Variants in SSUH2 observed in about 807,000 individuals in gnomAD.
The protein encoded by SSUH2 is ssu-2 homolog.
A neutral mutation model predicts 55.3 loss-of-function variants in SSUH2; 47 were observed. The observed-to-expected ratio is 0.85, with a 90% CI of 0.67 to 1.08. The LOEUF (loss-of-function observed/expected upper bound fraction) is 1.08, where lower values mean the gene tolerates loss of function less well. Ranked by LOEUF, SSUH2 falls within the 50% of genes least tolerant of loss-of-function variation. The pLI, the probability that SSUH2 is intolerant of heterozygous loss-of-function variation, is 0.00. For synonymous variants in SSUH2, 212 were observed against 191.5 expected (o/e 1.11, Z -0.89); for missense variants, 535 against 490.7 (o/e 1.09, Z -0.85).
intron 1 of SSUH2, among the ~76,000 whole-genome samples, chr3:8,681,293 C>T (rs773191334): frequency 6.6e-6 from 1 of 150,802 alleles, no homozygotes; most frequent in South Asian, 2.1e-4. Flanking sequence ...CCTCTTCCCT[C>T]CCTGGATCTT....
At chr3:8,666,033 G>A (rs1434799597) in intron 5 of SSUH2, among the ~76,000 whole-genome samples, 1 of 152,186 alleles carries the variant, frequency 6.6e-6, no homozygotes, top group Non-Finnish European at 1.5e-5. Context: ...TTAGACTCAA[G>A]CTTGAGCTCC....
At chr3:8,675,691 T>G (rs1575396612) in intron 3 of SSUH2, among the ~76,000 whole-genome samples, 1 of 152,178 alleles carries the variant, frequency 6.6e-6, no homozygotes, top group African/African-American at 2.4e-5. Flanking sequence ...AGACTGTGGA[T>G]CCCAAACTTT....
chr3:8,673,841 A>G (rs958498917), intron 3 of SSUH2, among the ~76,000 whole-genome samples: 4 of 152,216 alleles, frequency 2.6e-5, no homozygotes, highest in African/African-American at 9.7e-5. Flanking sequence ...TAAAGACGGG[A>G]GCTCAAAAGG....
At chr3:8,635,181 G>C (rs1699709829) in intron 3 of SSUH2, 119 bp downstream of exon 3, 3 of 749,938 alleles carry the variant, frequency 4.0e-6, no homozygotes, top group Non-Finnish European at 6.4e-6. Flanking sequence ...TGGTGCAGTA[G>C]GTCTGGGGTG....
chr3:8,626,242 G>C lies in SSUH2; in HGVS notation c.754C>G (p.Leu252Val). The change falls in exon 9 of 12, where the codon CTT becomes GTT. Residue 252 changes from leucine to valine, a missense_variant. Physicochemically the swap from Leu to Val is conservative, Grantham distance 32 (BLOSUM62 1). Transcript: ENST00000544814. ...ACTGCCACATACCACATGATGACAAGCTGGATGAAGTGCAACAGCTTCTTC... is the reference window on the plus strand; with the variant it reads ...ACTGCCACATACCACATGATGACAACCTGGATGAAGTGCAACAGCTTCTTC... ...GEKKLLHFIQLVIMWKNSLFE... is the reference protein window; with the variant it reads ...GEKKLLHFIQVVIMWKNSLFE... The C allele has an allele frequency of 6.2e-7, 1 of 1,613,970 alleles. No homozygotes were observed. Among genetic ancestry groups the C allele is most frequent in the Admixed American group, 1.7e-5 (1 of 60,022 alleles).
rs1696029883 is a variant in SSUH2 at position 8,619,708 on chromosome 3, G to C, written c.*160C>G. ...GGATTCCACCAGAGGAGCTGTATAA[G>C]GGGTTGGAGCTTGATAGATGATAAG... On this transcript the variant is annotated 3_prime_UTR_variant, in exon 12 of 12. Transcript: ENST00000544814. 1.4e-6 allele frequency: 1 copy of C among 712,548 alleles called. No individual in the cohort carries two copies. The highest frequency in any genetic ancestry group is 2.0e-5 in the South Asian group (1 of 51,104). 44.1% of individuals were successfully genotyped at this position (712,548 alleles called of 1,614,324 possible).
chr3:8,643,216 A>G (rs1701157283), intron 1 of SSUH2, among the ~76,000 whole-genome samples: 1 of 152,172 alleles, frequency 6.6e-6, no homozygotes, highest in African/African-American at 2.4e-5. Flanking sequence ...TCTTTGATCA[A>G]TCCTGCAAGA....
At chr3:8,648,040 C>T (rs1168253841), upstream of SSUH2, among the ~76,000 whole-genome samples, 2 of 152,208 alleles carry the variant, frequency 1.3e-5, no homozygotes, top group Non-Finnish European at 2.9e-5. Flanking sequence ...AAGTCGTGGA[C>T]CTCTAACTGC....
intron 5 of SSUH2, among the ~76,000 whole-genome samples, chr3:8,665,948 T>A (rs967392046): frequency 6.6e-6 from 1 of 152,154 alleles, no homozygotes. Context: ...GTTCACTACA[T>A]GTTTACTTGT....
intron 5 of SSUH2, among the ~76,000 whole-genome samples, chr3:8,668,908 A>G (rs1704247648): frequency 7.0e-6 from 1 of 142,224 alleles, no homozygotes; most frequent in Admixed American, 6.9e-5. Context: ...TCAGCCTCAT[A>G]TGCCAAAAAG....
rs1354312350 is a variant in SSUH2 at position 8,678,724 on chromosome 3, TG to T, written c.-901+980del. On this transcript the variant is annotated intron_variant, in intron 2 of 18. Transcript: ENST00000317371. ...CTCCTGGGTCTTAGGACCCCCAACG[TG>T]GGGGGGGGAGGCACCACACGCGAGG... Among the ~76,000 whole-genome samples, 39 of 19,350 alleles carry T rather than the reference TG, an allele frequency of 2.0e-3. 12 individuals carry two copies. The highest frequency in any genetic ancestry group is 6.1e-3 in the Admixed American group (11 of 1,792). The allele number at this position is 19,350 out of a possible 152,430, so 12.7% of individuals were successfully genotyped here. A position where few individuals can be genotyped will look rare whatever the true frequency, so the allele number is the denominator to read the frequency against.
intron 10 of SSUH2, among the ~76,000 whole-genome samples, chr3:8,623,980 G>A (rs922799650): frequency 2.6e-5 from 4 of 151,898 alleles, no homozygotes; most frequent in South Asian, 2.1e-4. Flanking sequence ...CACGTGTAGC[G>A]GGAAAGGAAC....
At chr3:8,629,362 G>C (rs961612530) in intron 7 of SSUH2, 1 of 384,270 alleles carries the variant, frequency 2.6e-6, no homozygotes, top group South Asian at 5.0e-5. Flanking sequence ...CCCAGGTCTT[G>C]GCCCTCTTAC....
chr3:8,632,075 C>T lies in SSUH2; in HGVS notation c.374G>A (p.Ser125Asn). Residue 125 changes from serine (S) to asparagine (N), a missense_variant, in exon 5 of 12, where the codon AGC becomes AAC. Coordinates refer to ENST00000544814, the MANE Select transcript of SSUH2 (RefSeq NM_001256748.3). Reference sequence around the variant, plus strand: ...AGTAAAGGGTTGAAATGTCCACTCGCTTATCCTGGATTCACTAAAGGTCTC... The same window carrying T: ...AGTAAAGGGTTGAAATGTCCACTCGTTTATCCTGGATTCACTAAAGGTCTC... ...RLETFSESRI[S>N]EWTFQPFTNH... is the part of the protein sequence containing the mutation. 1 of 1,614,076 alleles carries T rather than the reference C, an allele frequency of 6.2e-7. No homozygotes were observed. The highest frequency in any genetic ancestry group is 8.5e-7 in the Non-Finnish European group (1 of 1,179,974).
chr3:8,630,837 TC>T lies in SSUH2; in HGVS notation c.492del (p.Lys165SerfsTer169). The T allele has an allele frequency of 4.0e-6, 6 of 1,501,058 alleles. No individual in the cohort carries two copies. The highest frequency in any genetic ancestry group is 3.6e-6 in the Non-Finnish European group (4 of 1,125,676). 93.0% of individuals were successfully genotyped at this position (1,501,058 alleles called of 1,614,324 possible). On this transcript the variant is annotated frameshift_variant, in exon 6 of 12. Coordinates refer to ENST00000544814, the MANE Select transcript of SSUH2 (RefSeq NM_001256748.3). LOFTEE classifies it high-confidence loss of function. ...QGPPMFQEDT[R>X]KFQVPHSSLV... ...AGTGACGAGTGAGGGACCTGGAACTTCCTGGTGTCTTCCTGAAACATCGGAG... is the reference window on the plus strand; with the variant it reads ...AGTGACGAGTGAGGGACCTGGAACTTCTGGTGTCTTCCTGAAACATCGGAG...
chr3:8,630,431 AG>A (rs1698533094), intron 6 of SSUH2, among the ~76,000 whole-genome samples: 1 of 152,238 alleles, frequency 6.6e-6, no homozygotes, highest in Non-Finnish European at 1.5e-5. Flanking sequence ...AAATCCCAGC[AG>A]GGTTTTAAGT....
At chr3:8,631,506 A>G (rs1212299405) in intron 5 of SSUH2, among the ~76,000 whole-genome samples, 1 of 152,136 alleles carries the variant, frequency 6.6e-6, no homozygotes, top group African/African-American at 2.4e-5. Flanking sequence ...CTGGGAGGGG[A>G]GCAGCAGGAG....
chr3:8,663,364 A>C (rs2125375255), intron 6 of SSUH2, among the ~76,000 whole-genome samples: 1 of 152,392 alleles, frequency 6.6e-6, no homozygotes, highest in East Asian at 1.9e-4. Flanking sequence ...TACAGAGAAC[A>C]GCAATGCATG....
At chr3:8,641,319 A>T (rs1700800275) in intron 1 of SSUH2, among the ~76,000 whole-genome samples, 1 of 152,226 alleles carries the variant, frequency 6.6e-6, no homozygotes, top group Non-Finnish European at 1.5e-5. Flanking sequence ...TCATTTTCCC[A>T]GCAATGACCA....
Sources: allele counts gnomAD v4.1 joint callset (sites outside exome capture counted in the v4.1 genomes callset), GRCh38; gene constraint gnomAD v4.1.1; transcripts MANE v1.5; gene names NCBI Gene and HGNC (gene_info 2026-07-23, HGNC 2026-07-21).